MORN4: variants seen among roughly 807,000 people sequenced by gnomAD.
MORN4 encodes MORN repeat containing 4, also known as MORN repeat-containing protein 4.
A neutral mutation model predicts 16.4 loss-of-function variants in MORN4; 8 were observed. That is an observed-to-expected ratio of 0.49 (90% CI 0.29 to 0.88). The LOEUF (loss-of-function observed/expected upper bound fraction) is 0.88, where lower values mean the gene tolerates loss of function less well. MORN4 is among the 40% of genes least tolerant of loss of function. The probability of loss-of-function intolerance (pLI) is 0.09; values close to 1 mark genes in which losing one functional copy is unlikely to be tolerated. For missense variants in MORN4, 159 were observed against 182.9 expected (o/e 0.87, Z 0.75); for synonymous variants, 53 against 68.9 (o/e 0.77, Z 1.14).
rs369370857 is a variant in MORN4, at chr10:97,616,734, C to T, written c.236G>A (p.Arg79Gln). Residue 79 changes from arginine to glutamine, a missense_variant, in exon 4 of 5, where the codon CGA becomes CAA. Transcript: ENST00000307450. ...CCCCTCAAAGGTCATGTTGTCATAT[C>T]GAATGAAGACTCCGACGCCATTAAA... Reference protein sequence around the residue: ...GKFNGVGVFIRYDNMTFEGEF... With the variant: ...GKFNGVGVFIQYDNMTFEGEF... The T allele has an allele frequency of 2.4e-5, 39 of 1,614,014 alleles. No individual in the cohort carries two copies. Among genetic ancestry groups the T allele is most frequent in the Middle Eastern group, 3.3e-4 (2 of 6,084 alleles).
rs1368182157 is a variant in MORN4, at chr10:97,616,023, C to T, written c.*240G>A. 2 of 366,456 alleles carry T rather than the reference C, an allele frequency of 5.5e-6. No individual in the cohort carries two copies. The highest frequency in any genetic ancestry group is 9.7e-6 in the Non-Finnish European group (2 of 205,546). The allele number at this position is 366,456 out of a possible 1,614,324, so 22.7% of individuals were successfully genotyped here. A position where few individuals can be genotyped will look rare whatever the true frequency, so the allele number is the denominator to read the frequency against. On this transcript the variant is annotated 3_prime_UTR_variant, in exon 5 of 5. Transcript: ENST00000307450. ...TGAGAAGAGGTGGCTCCTCTGTCCT[C>T]CAGCACATAAGGGTTAGGGAAAGAC...
chr10:97,628,258 C>T (rs896001479), intron 1 of MORN4, among the ~76,000 whole-genome samples: 6 of 152,196 alleles, frequency 3.9e-5, no homozygotes, highest in Non-Finnish European at 7.3e-5. Context: ...AGATGTCTGG[C>T]AGCAGTTAAC....
At chr10:97,627,672 T>C (rs1263011279) in intron 1 of MORN4, among the ~76,000 whole-genome samples, 4 of 152,210 alleles carry the variant, frequency 2.6e-5, no homozygotes, top group Non-Finnish European at 5.9e-5. Context: ...CTAGAGATAT[T>C]TGGGGGCCAC....
upstream of MORN4, chr10:97,633,666 A>G: frequency 2.2e-5 from 28 of 1,256,558 alleles, no homozygotes; most frequent in South Asian, 3.6e-4. This position sits in a 1 kb window ranked among gnomAD's most constrained non-coding sequence, Gnocchi z 4.5. Flanking sequence ...AACGCAGATA[A>G]AGACAGAGGA....
intron 1 of MORN4, among the ~76,000 whole-genome samples, chr10:97,631,262 C>T (rs1478904303): frequency 6.6e-6 from 1 of 152,134 alleles, no homozygotes; most frequent in Non-Finnish European, 1.5e-5. Context: ...CCATGGAATC[C>T]AGTCACAAAC....
Position 97,615,270 on chromosome 10 carries a change from A to G in MORN4, c.*993T>C, listed in dbSNP as rs745531120. 3 of 152,566 alleles carry G rather than the reference A, an allele frequency of 2.0e-5. No homozygotes were observed. Among genetic ancestry groups the G allele is most frequent in the Admixed American group, 2.0e-4 (3 of 15,280 alleles). 9.5% of individuals were successfully genotyped at this position (152,566 alleles called of 1,614,324 possible). A position where few individuals can be genotyped will look rare whatever the true frequency, so the allele number is the denominator to read the frequency against. On this transcript the variant is annotated 3_prime_UTR_variant, in exon 5 of 5. Coordinates refer to ENST00000307450, the MANE Select transcript of MORN4 (RefSeq NM_178832.4). ...GCCTGCAGCCATGATTCCAACCAGC[A>G]TGAGGAGTAACATATGGAAAAGCTC...
chr10:97,626,569 C>T (rs1323300017), intron 1 of MORN4, among the ~76,000 whole-genome samples: 1 of 150,704 alleles, frequency 6.6e-6, no homozygotes, highest in Non-Finnish European at 1.5e-5. Context: ...AATTCTCCTG[C>T]CTCAGCCTCT....
intron 1 of MORN4, among the ~76,000 whole-genome samples, 188 bp from the exon 2 acceptor site, chr10:97,619,871 C>G (rs774391862): frequency 5.3e-5 from 8 of 152,172 alleles, no homozygotes; most frequent in African/African-American, 9.6e-5. Flanking sequence ...TGCCCAAGTG[C>G]TCTTATCCTC....
chr10:97,620,488 C>CAAAA lies in MORN4; in HGVS notation c.-30-809_-30-806dup, dbSNP rs1210683127. Reference sequence around the variant, plus strand: ...TGGGTGACGGAGCAAGACTCTGTCTCAAAAAAAAAAAAAAAAAAAGAAAAA... The same window carrying CAAAA: ...TGGGTGACGGAGCAAGACTCTGTCTCAAAAAAAAAAAAAAAAAAAAAAAGAAAAA... On this transcript the variant is annotated intron_variant, in intron 1 of 4. Transcript: ENST00000307450. Among the ~76,000 whole-genome samples, 167 of 40,440 alleles carry CAAAA rather than the reference C, an allele frequency of 4.1e-3. 6 individuals are homozygous for CAAAA. Among genetic ancestry groups the CAAAA allele is most frequent in the African/African-American group, 0.012 (116 of 9,790 alleles). 26.5% of individuals were successfully genotyped at this position (40,440 alleles called of 152,430 possible).
chr10:97,619,295 A>G (rs573715869), intron 2 of MORN4: 73 of 520,894 alleles, frequency 1.4e-4, no homozygotes, highest in African/African-American at 1.2e-3. Context: ...ACTGCACTCC[A>G]GCCTAGGCAA....
upstream of MORN4, chr10:97,633,611 C>A: frequency 7.8e-7 from 1 of 1,288,162 alleles, no homozygotes; most frequent in Middle Eastern, 2.1e-4. The surrounding 1 kb of genome is among the most constrained non-coding windows in gnomAD (Gnocchi z 4.5). Context: ...CGAGTGTTTG[C>A]GAACCCGGGC....
chr10:97,632,212 C>CCT (rs1368828580), intron 1 of MORN4, among the ~76,000 whole-genome samples: 35 of 86,976 alleles, frequency 4.0e-4, no homozygotes, highest in African/African-American at 1.7e-3. Context: ...TAATACTCCC[C>CCT]TTTTTTTTTT....
chr10:97,626,174 C>T (rs1002663004), intron 1 of MORN4, among the ~76,000 whole-genome samples: 3 of 150,716 alleles, frequency 2.0e-5, no homozygotes, highest in Non-Finnish European at 4.4e-5. Flanking sequence ...GTCAGGAGTT[C>T]GAGACCAGCC....
At chr10:97,621,902 T>C (rs1448368044) in intron 1 of MORN4, among the ~76,000 whole-genome samples, 1 of 152,086 alleles carries the variant, frequency 6.6e-6, no homozygotes, top group East Asian at 1.9e-4. Context: ...TTCCTCCACC[T>C]GCTGGACCTG....
chr10:97,633,574 C>T (rs1417300438), upstream of MORN4: 1 of 1,289,696 alleles, frequency 7.8e-7, no homozygotes, highest in African/African-American at 1.5e-5. The surrounding 1 kb of genome is among the most constrained non-coding windows in gnomAD (Gnocchi z 4.5). Context: ...TGGCCCAGCC[C>T]GGCTCCACGC....
chr10:97,624,350 T>C (rs551677736), intron 1 of MORN4, among the ~76,000 whole-genome samples: 1 of 152,352 alleles, frequency 6.6e-6, no homozygotes, highest in Non-Finnish European at 1.5e-5. Flanking sequence ...AGAAGCTGTC[T>C]GAAATACCTT....
chr10:97,616,661 G>A lies in MORN4; in HGVS notation c.292+17C>T, dbSNP rs774658050. On this transcript the variant is annotated intron_variant, in intron 4 of 4. Coordinates refer to ENST00000307450, the MANE Select transcript of MORN4 (RefSeq NM_178832.4). Reference sequence around the variant, plus strand: ...TATGCCCACCTAAGTCAGCCATCCTGCTGGGCTGCAACTTACCAAAACCAT... The same window carrying A: ...TATGCCCACCTAAGTCAGCCATCCTACTGGGCTGCAACTTACCAAAACCAT... The A allele has an allele frequency of 3.2e-5, 51 of 1,586,740 alleles. No individual in the cohort carries two copies. The highest frequency in any genetic ancestry group is 4.3e-5 in the Non-Finnish European group (50 of 1,155,194).
chr10:97,623,552 G>C (rs571936090), intron 1 of MORN4, among the ~76,000 whole-genome samples: 6 of 152,248 alleles, frequency 3.9e-5, no homozygotes, highest in African/African-American at 1.2e-4. Context: ...ACTGGGGCCA[G>C]ACCTGGTGGA....
rs991850731 is a variant in MORN4 at position 97,616,063 on chromosome 10, C to G, written c.*200G>C. 4.2e-6 allele frequency: 2 copies of G among 471,394 alleles called. No individual in the cohort carries two copies. 29.2% of individuals were successfully genotyped at this position (471,394 alleles called of 1,614,324 possible). A position where few individuals can be genotyped will look rare whatever the true frequency, so the allele number is the denominator to read the frequency against. On this transcript the variant is annotated 3_prime_UTR_variant, in exon 5 of 5. Transcript: ENST00000307450. The stretch of plus-strand genomic sequence containing the variant: ...TAGGGAAAGACAGAACCACCAATGA[C>G]TGCTGCAGGGTCTGCTGGCCAGCAT...
Sources: allele counts gnomAD v4.1 joint callset (sites outside exome capture counted in the v4.1 genomes callset), GRCh38; gene constraint gnomAD v4.1.1; non-coding constraint Gnocchi (gnomAD v3.1); transcripts MANE v1.5; gene names NCBI Gene and HGNC (gene_info 2026-07-23, HGNC 2026-07-21).